ROBO2: variants seen among roughly 807,000 people sequenced by gnomAD.
ROBO2 encodes roundabout homolog 2.
Under a neutral mutation model 160.8 loss-of-function variants are expected in ROBO2, and 53 were observed. The ratio of observed to expected loss-of-function variants is 0.33; its 90% CI spans 0.26 to 0.41. The LOEUF is 0.41. ROBO2 is among the 10% of genes least tolerant of loss of function. ROBO2 has a pLI of 1.00. For synonymous variants in ROBO2, 664 were observed against 611.7 expected, an observed-to-expected ratio of 1.09 and a Z score of -1.26; for missense variants, 1,577 against 1,722.4, an observed-to-expected ratio of 0.92 and a Z score of 1.49.
chr3:76,044,933 G>A (rs891694915), intron 2 of ROBO2, among the ~76,000 whole-genome samples: 1 of 152,030 alleles, frequency 6.6e-6, no homozygotes, highest in Non-Finnish European at 1.5e-5. Context: ...AGGCCTTTAG[G>A]TTGAAAAATT....
chr3:76,356,151 G>T (rs1433930087), intron 2 of ROBO2, among the ~76,000 whole-genome samples: 3 of 151,426 alleles, frequency 2.0e-5, no homozygotes, highest in African/African-American at 7.3e-5. Flanking sequence ...GTTATATATT[G>T]CTTTTGAGAA....
intron 2 of ROBO2, among the ~76,000 whole-genome samples, chr3:76,535,615 G>A (rs921304295): frequency 1.6e-4 from 25 of 152,098 alleles, no homozygotes; most frequent in African/African-American, 6.0e-4. Flanking sequence ...TGTTTAAAAT[G>A]TCTCGGCCTA....
In ROBO2 at chr3:77,574,712, G is replaced by GTTCGTACTACTGAAGAAGGTCAGTA. The variant is rs781698327; in HGVS notation, c.2189_2203+10dup. 1 of 1,612,720 alleles carries GTTCGTACTACTGAAGAAGGTCAGTA rather than the reference G, an allele frequency of 6.2e-7. No homozygotes were observed. The highest frequency in any genetic ancestry group is 1.1e-5 in the South Asian group (1 of 91,058). On this transcript the variant is annotated frameshift_variant, in exon 14 of 26. Transcript: ENST00000461745. LOFTEE classifies it high-confidence loss of function. ...AGGAATGGATAGTGAATCTAAAACG[G>GTTCGTACTACTGAAGAAGGTCAGTA]TTCGTACTACTGAAGAAGGTCAGTA...
chr3:77,414,416 A>G (rs1352456324), intron 2 of ROBO2, among the ~76,000 whole-genome samples: 2 of 152,230 alleles, frequency 1.3e-5, no homozygotes, highest in Middle Eastern at 3.2e-3. Flanking sequence ...GGGAAGAAGG[A>G]AAATGAGGAA....
At chr3:77,141,214 T>C (rs1307474192) in intron 2 of ROBO2, among the ~76,000 whole-genome samples, 1 of 152,208 alleles carries the variant, frequency 6.6e-6, no homozygotes, top group Non-Finnish European at 1.5e-5. Flanking sequence ...TGTGAGTCTA[T>C]GATTCTGTGT....
chr3:77,505,338 T>A (rs1336766331), intron 5 of ROBO2, among the ~76,000 whole-genome samples: 4 of 152,086 alleles, frequency 2.6e-5, no homozygotes, highest in Non-Finnish European at 5.9e-5. Flanking sequence ...AAAACCTTTT[T>A]TTTTTTCAAT....
At chr3:76,274,908 C>T (rs769343630) in intron 2 of ROBO2, among the ~76,000 whole-genome samples, 20 of 151,110 alleles carry the variant, frequency 1.3e-4, no homozygotes, top group Middle Eastern at 3.5e-3. Flanking sequence ...AGGTAATATA[C>T]AGTCTAGTCA....
At chr3:77,166,684 G>A (rs1366966219) in intron 2 of ROBO2, among the ~76,000 whole-genome samples, 4 of 151,972 alleles carry the variant, frequency 2.6e-5, no homozygotes, top group Non-Finnish European at 5.9e-5. Flanking sequence ...TCAGCCTCCC[G>A]AGTAGCTGGG....
chr3:77,332,016 A>AT (rs2066019950), intron 2 of ROBO2, among the ~76,000 whole-genome samples: 3 of 152,102 alleles, frequency 2.0e-5, no homozygotes, highest in Admixed American at 2.0e-4. Context: ...TGAAATGCCT[A>AT]TTTTTTAGGT....
chr3:76,711,778 TGC>T (rs2093299156), intron 2 of ROBO2, among the ~76,000 whole-genome samples: 2 of 152,224 alleles, frequency 1.3e-5, no homozygotes, highest in Non-Finnish European at 2.9e-5. Flanking sequence ...AATCTTTTTC[TGC>T]TTCACGCTTT....
intron 23 of ROBO2, among the ~76,000 whole-genome samples, chr3:77,624,367 C>T (rs570045531): frequency 2.6e-5 from 4 of 151,894 alleles, no homozygotes; most frequent in African/African-American, 7.2e-5. Flanking sequence ...TGTATTAGAA[C>T]GTGGGTGTGG....
chr3:76,216,278 T>C (rs1559649919), intron 2 of ROBO2, among the ~76,000 whole-genome samples: 2 of 152,058 alleles, frequency 1.3e-5, no homozygotes, highest in Non-Finnish European at 2.9e-5. Context: ...CCAGCTAACA[T>C]CATAATGAGA....
At chr3:77,379,043 G>T (rs1320227553) in intron 2 of ROBO2, among the ~76,000 whole-genome samples, 2 of 151,892 alleles carry the variant, frequency 1.3e-5, no homozygotes, top group African/African-American at 2.4e-5. Context: ...TGCCTCCCAG[G>T]TTCAAGCGAT....
At chr3:76,201,200 A>G (rs1702509818) in intron 2 of ROBO2, among the ~76,000 whole-genome samples, 1 of 152,176 alleles carries the variant, frequency 6.6e-6, no homozygotes. Flanking sequence ...ATTAAGAGAA[A>G]TTGTTTCTGA....
intron 2 of ROBO2, among the ~76,000 whole-genome samples, chr3:76,003,018 T>G (rs2107573905): frequency 6.6e-6 from 1 of 152,298 alleles, no homozygotes; most frequent in East Asian, 1.9e-4. Context: ...CAGTACTCTA[T>G]CTATCCTTTC....
intron 2 of ROBO2, among the ~76,000 whole-genome samples, chr3:76,636,423 C>T (rs28419400): frequency 0.011 from 1,603 of 152,148 alleles, 30 homozygotes; most frequent in African/African-American, 0.037. Flanking sequence ...CCCCAAGCCC[C>T]CCAAATTAAA....
At chr3:77,052,922 A>G (rs1301257444) in intron 1 of ROBO2, among the ~76,000 whole-genome samples, 1 of 152,228 alleles carries the variant, frequency 6.6e-6, no homozygotes, top group African/African-American at 2.4e-5. Flanking sequence ...TTAGTTTCCC[A>G]TAAGCACTGG....
chr3:77,207,616 A>G (rs2083597394), intron 2 of ROBO2, among the ~76,000 whole-genome samples: 1 of 152,188 alleles, frequency 6.6e-6, no homozygotes, highest in African/African-American at 2.4e-5. Flanking sequence ...ACATATTTGT[A>G]TGTTGTGGCT....
chr3:76,509,484 A>G (rs1410102070), intron 2 of ROBO2, among the ~76,000 whole-genome samples: 1 of 152,070 alleles, frequency 6.6e-6, no homozygotes, highest in Non-Finnish European at 1.5e-5. Context: ...GCAAAAGGTC[A>G]CCCTTGGTCG....
Sources: gnomAD v4.1 joint callset for allele counts (sites outside exome capture counted in the v4.1 genomes callset) on GRCh38, gnomAD v4.1.1 for gene constraint, MANE v1.5 for transcripts, NCBI Gene and HGNC (gene_info 2026-07-23, HGNC 2026-07-21) for gene names.